Variants in SEC24A observed in about 807,000 individuals in gnomAD.
SEC24A encodes protein transport protein Sec24A.
A neutral mutation model predicts 129.4 loss-of-function variants in SEC24A; 93 were observed. That is an observed-to-expected ratio of 0.72 (90% CI 0.61 to 0.85). The LOEUF (loss-of-function observed/expected upper bound fraction) is 0.85, where lower values mean the gene tolerates loss of function less well. Among genes scored for constraint, SEC24A ranks in the 40% least tolerant of loss-of-function variants. The probability of loss-of-function intolerance (pLI) is 0.00; values close to 1 mark genes in which losing one functional copy is unlikely to be tolerated. For synonymous variants in SEC24A, 460 were observed against 467.3 expected (o/e 0.98, Z 0.20); for missense variants, 1,264 against 1,307.4 (o/e 0.97, Z 0.51).
In SEC24A at chr5:134,649,125, C is replaced by CAG. The variant is rs748226426; in HGVS notation, c.50_51dup (p.Ala18ArgfsTer30). 8 of 1,610,366 alleles carry CAG rather than the reference C, an allele frequency of 5.0e-6. No individual in the cohort carries two copies. The highest frequency in any genetic ancestry group is 6.8e-6 in the Non-Finnish European group (8 of 1,178,454). On this transcript the variant is annotated frameshift_variant, in exon 1 of 23. Transcript: ENST00000398844. LOFTEE classifies it high-confidence loss of function. Reference sequence around the variant, plus strand: ...CTCCGGCGGCGCCCCAGCCAGCCTCCAGGCCCAGAACGGAGCCGCCTTGGC... The same window carrying CAG: ...CTCCGGCGGCGCCCCAGCCAGCCTCCAGAGGCCCAGAACGGAGCCGCCTTGGC...
intron 1 of SEC24A, among the ~76,000 whole-genome samples, chr5:134,650,390 A>G (rs1448211503): frequency 6.6e-6 from 1 of 152,210 alleles, no homozygotes; most frequent in Non-Finnish European, 1.5e-5. Context: ...TTAAATGACA[A>G]ATCCTCAAAT....
At chr5:134,658,290 T>C (rs550605129) in intron 1 of SEC24A, among the ~76,000 whole-genome samples, 1 of 152,268 alleles carries the variant, frequency 6.6e-6, no homozygotes, top group African/African-American at 2.4e-5. Context: ...TCAAAAGCAA[T>C]ATAATTCAAT....
chr5:134,678,048 G>A (rs1295798926), intron 7 of SEC24A, among the ~76,000 whole-genome samples: 1 of 151,928 alleles, frequency 6.6e-6, no homozygotes, highest in Non-Finnish European at 1.5e-5. Flanking sequence ...TAGAGACCGG[G>A]TCTCTCGTTG....
intron 9 of SEC24A, among the ~76,000 whole-genome samples, chr5:134,683,421 G>C (rs112595546): frequency 0.013 from 1,950 of 152,048 alleles, 15 homozygotes; most frequent in Middle Eastern, 0.041. Context: ...CTGTGATGAA[G>C]ATCCTCTTGC....
chr5:134,664,722 C>T (rs368729314), intron 2 of SEC24A, among the ~76,000 whole-genome samples: 1 of 149,408 alleles, frequency 6.7e-6, no homozygotes, highest in African/African-American at 2.5e-5. Flanking sequence ...TTTGTCTTCA[C>T]TTTTGTCAAC....
chr5:134,690,214 C>G (rs968368530), intron 11 of SEC24A, among the ~76,000 whole-genome samples: 1 of 152,076 alleles, frequency 6.6e-6, no homozygotes, highest in African/African-American at 2.4e-5. Flanking sequence ...GAAACAAGGT[C>G]TTACCGTGTT....
At position 134,716,733 on chromosome 5, in the gene SEC24A, G is replaced by T. The variant is rs373448217; in HGVS notation, c.2866-1336G>T. ...GAATCACTTGAATCCAGGAGGCAAA[G>T]GTCGCAGTGAGCTGAGATCATGCCA... On this transcript the variant is annotated intron_variant, in intron 19 of 22. Transcript: ENST00000398844. Among the ~76,000 whole-genome samples, 221 of 149,572 alleles carry T rather than the reference G, an allele frequency of 1.5e-3. 2 individuals are homozygous for T. The South Asian group carries it at 0.021, about 14-fold the overall frequency.
rs1751468339 is a variant in SEC24A at position 134,686,799 on chromosome 5, C to T, written c.1501C>T (p.Pro501Ser). Residue 501 changes from proline (P) to serine (S), a missense_variant, in exon 10 of 23, where the codon CCT becomes TCT. Coordinates refer to ENST00000398844, the MANE Select transcript of SEC24A (RefSeq NM_021982.3). Reference sequence around the variant, plus strand: ...ATCTTTTTTTCTTCAGTTACGACCACCTCAGCCTCCAGTGTATCTCTTTGT... The same window carrying T: ...ATCTTTTTTTCTTCAGTTACGACCATCTCAGCCTCCAGTGTATCTCTTTGT... ...MAPSEYMLRPPQPPVYLFVFD... is the reference protein window; with the variant it reads ...MAPSEYMLRPSQPPVYLFVFD... 1 of 1,595,280 alleles carries T rather than the reference C, an allele frequency of 6.3e-7. No homozygotes were observed. The highest frequency in any genetic ancestry group is 1.4e-5 in the African/African-American group (1 of 74,052).
chr5:134,679,670 C>G lies in SEC24A; in HGVS notation c.1323C>G (p.Phe441Leu), dbSNP rs370250039. 1.2e-5 allele frequency: 19 copies of G among 1,598,378 alleles called. No individual in the cohort carries two copies. Among genetic ancestry groups the G allele is most frequent in the Non-Finnish European group, 1.6e-5 (19 of 1,169,374 alleles). Reference protein sequence around the residue: ...CRSCRTYINPFVSFLDQRRWK... With the variant: ...CRSCRTYINPLVSFLDQRRWK... ...CATGCAGGACGTACATCAATCCTTTCGTCAGCTTTCTTGATCAAAGGAGAT... is the reference window on the plus strand; with the variant it reads ...CATGCAGGACGTACATCAATCCTTTGGTCAGCTTTCTTGATCAAAGGAGAT... Residue 441 changes from phenylalanine (F) to leucine (L), a missense_variant, in exon 8 of 23, where the codon TTC (phenylalanine) becomes TTG (leucine). Transcript: ENST00000398844.
chr5:134,677,170 A>G (rs1257528083), intron 7 of SEC24A, among the ~76,000 whole-genome samples: 2 of 152,014 alleles, frequency 1.3e-5, no homozygotes, highest in Non-Finnish European at 2.9e-5. Context: ...GCTTGGGTCT[A>G]TGAGTTCAAG....
At position 134,725,133 on chromosome 5, in the gene SEC24A, C is replaced by T. The variant is rs373289279; in HGVS notation, c.*39C>T. ...TTTGACTTATTTTTAAGGAATGTCA[C>T]GATAGTGCAGAATACCTGGAAATGT... On this transcript the variant is annotated 3_prime_UTR_variant, in exon 23 of 23. Coordinates refer to ENST00000398844, the MANE Select transcript of SEC24A (RefSeq NM_021982.3). 3.0e-6 allele frequency: 3 copies of T among 1,013,648 alleles called. No homozygotes were observed. Among genetic ancestry groups the T allele is most frequent in the South Asian group, 2.7e-5 (2 of 75,386 alleles). 62.8% of individuals were successfully genotyped at this position (1,013,648 alleles called of 1,614,324 possible). A position where few individuals can be genotyped will look rare whatever the true frequency, so the allele number is the denominator to read the frequency against.
intron 3 of SEC24A, among the ~76,000 whole-genome samples, chr5:134,667,890 C>T (rs1176936376): frequency 6.6e-6 from 1 of 151,998 alleles, no homozygotes; most frequent in Non-Finnish European, 1.5e-5. Flanking sequence ...TAAGAGTGTT[C>T]ATTTAAATAA....
Position 134,661,476 on chromosome 5 carries a change from G to A in SEC24A, c.455G>A (p.Cys152Tyr), listed in dbSNP as rs750238197. 17 of 1,614,116 alleles carry A rather than the reference G, an allele frequency of 1.1e-5. No individual in the cohort carries two copies. Among genetic ancestry groups the A allele is most frequent in the Non-Finnish European group, 1.4e-5 (16 of 1,180,026 alleles). ...YPSTASQTNH[C>Y]PRASSQPTVS... ...TCCACAGCCTCACAAACAAACCATT[G>A]TCCTCGTGCATCATCCCAACCAACT... The change falls in exon 2 of 23, where the codon TGT becomes TAT. Residue 152 changes from cysteine to tyrosine, a missense_variant. Transcript: ENST00000398844.
intron 18 of SEC24A, among the ~76,000 whole-genome samples, chr5:134,709,386 A>G (rs1053439128): frequency 6.6e-6 from 1 of 152,192 alleles, no homozygotes; most frequent in African/African-American, 2.4e-5. Flanking sequence ...ACTTAGAGAA[A>G]ACTGATTCAG....
chr5:134,671,649 G>A (rs1580695134), intron 3 of SEC24A, among the ~76,000 whole-genome samples, 160 bp from the exon 4 acceptor site: 1 of 152,052 alleles, frequency 6.6e-6, no homozygotes, highest in Non-Finnish European at 1.5e-5. Context: ...TGAAACTATC[G>A]TATATGTAAA....
rs78942020 is a variant in SEC24A at position 134,703,557 on chromosome 5, C to T, written c.2267-202C>T. Among the ~76,000 whole-genome samples, 218 of 152,176 alleles carry T rather than the reference C, an allele frequency of 1.4e-3. 3 individuals carry two copies. In the East Asian group the frequency reaches 0.037, roughly 26 times the overall value. ...TGCTGGGATTACAGGCGTGAGCTACCGCACCTGACCCAAAAATGTTTTTTG... is the reference window on the plus strand; with the variant it reads ...TGCTGGGATTACAGGCGTGAGCTACTGCACCTGACCCAAAAATGTTTTTTG... On this transcript the variant is annotated intron_variant, in intron 15 of 22. Transcript: ENST00000398844.
Position 134,692,662 on chromosome 5 carries a change from G to T in SEC24A, c.1779+5G>T. 7.0e-7 allele frequency: 1 copy of T among 1,422,724 alleles called. No individual in the cohort carries two copies. Among genetic ancestry groups the T allele is most frequent in the South Asian group, 1.2e-5 (1 of 86,028 alleles). The allele number at this position is 1,422,724 out of a possible 1,614,324, so 88.1% of individuals were successfully genotyped here. ...AACTTAAATGAAAGTAAAGAGGTAAGGCACATTTTCCTACCTGACATGTTT... is the reference window on the plus strand; with the variant it reads ...AACTTAAATGAAAGTAAAGAGGTAATGCACATTTTCCTACCTGACATGTTT... On this transcript the variant is annotated splice_donor_5th_base_variant and intron_variant, in intron 12 of 22. Transcript: ENST00000398844.
chr5:134,699,301 C>CGTTTT (rs1429369613), intron 15 of SEC24A, among the ~76,000 whole-genome samples: 1 of 138,370 alleles, frequency 7.2e-6, no homozygotes, highest in African/African-American at 2.8e-5. Flanking sequence ...CCATTTTATC[C>CGTTTT]TTTTTTTTTT....
rs1216402755 is a variant in SEC24A at position 134,661,063 on chromosome 5, C to T, written c.98-56C>T. On this transcript the variant is annotated intron_variant, in intron 1 of 22. Transcript: ENST00000398844. ...TAAGAATATATGTTTTACTTTATTT[C>T]TTAAAGTATTGCTATATTCGTTGGT... 6 of 1,173,426 alleles carry T rather than the reference C, an allele frequency of 5.1e-6. 1 individual carries two copies. Among genetic ancestry groups the T allele is most frequent in the East Asian group, 4.7e-5 (2 of 42,252 alleles). The allele number at this position is 1,173,426 out of a possible 1,614,324, so 72.7% of individuals were successfully genotyped here.
Sources: allele counts gnomAD v4.1 joint callset (sites outside exome capture counted in the v4.1 genomes callset), GRCh38; gene constraint gnomAD v4.1.1; transcripts MANE v1.5; gene names NCBI Gene and HGNC (gene_info 2026-07-23, HGNC 2026-07-21).